KDM4A: variants seen among roughly 807,000 people sequenced by gnomAD.
KDM4A encodes lysine-specific demethylase 4A.
A neutral mutation model predicts 127.1 loss-of-function variants in KDM4A; 23 were observed. That is an observed-to-expected ratio of 0.18 (90% CI 0.13 to 0.26). KDM4A has a LOEUF of 0.26. Among genes scored for constraint, KDM4A ranks in the 10% least tolerant of loss-of-function variants. The pLI, the probability that KDM4A is intolerant of heterozygous loss-of-function variation, is 1.00. For missense variants in KDM4A, 890 were observed against 1,329.1 expected (o/e 0.67, Z 5.14); for synonymous variants, 443 against 466.5 (o/e 0.95, Z 0.65).
chr1:43,700,144 T>A (rs1234504315), intron 19 of KDM4A: 1 of 152,190 alleles, frequency 6.6e-6, no homozygotes, highest in Non-Finnish European at 1.5e-5. Context: ...TTTGTTTTTT[T>A]AAAATAGGGT....
intron 11 of KDM4A, among the ~76,000 whole-genome samples, chr1:43,673,814 C>G (rs1455239432): frequency 6.6e-6 from 1 of 152,266 alleles, no homozygotes; most frequent in Non-Finnish European, 1.5e-5. Context: ...ATCCATCCTA[C>G]TGTTGACTAC....
At chr1:43,687,613 A>AT (rs1007526218) in intron 12 of KDM4A, among the ~76,000 whole-genome samples, 4 of 152,158 alleles carry the variant, frequency 2.6e-5, no homozygotes, top group African/African-American at 9.7e-5. Context: ...CTGGAGAAAC[A>AT]TTTTGGACAT....
intron 15 of KDM4A, 74 bp from the exon 16 acceptor site, chr1:43,692,182 G>A (rs1183056001): frequency 1.5e-6 from 2 of 1,342,392 alleles, no homozygotes; most frequent in East Asian, 4.6e-5. Context: ...GCCCAAAGCA[G>A]GTCCAGGGGA....
chr1:43,678,033 A>C (rs1660779869), intron 11 of KDM4A, among the ~76,000 whole-genome samples: 1 of 152,092 alleles, frequency 6.6e-6, no homozygotes, highest in South Asian at 2.1e-4. Flanking sequence ...GATGGGGGTG[A>C]GTCAGAGGGT....
intron 18 of KDM4A, among the ~76,000 whole-genome samples, chr1:43,695,850 G>A (rs1364999258): frequency 3.9e-5 from 6 of 152,084 alleles, no homozygotes; most frequent in Non-Finnish European, 8.8e-5. Flanking sequence ...GGGGAGAGGA[G>A]GAGGAAAGGG....
At chr1:43,689,803 C>T (rs867435296) in intron 13 of KDM4A, among the ~76,000 whole-genome samples, 1 of 152,216 alleles carries the variant, frequency 6.6e-6, no homozygotes, top group Non-Finnish European at 1.5e-5. Flanking sequence ...GGCATGGCTG[C>T]CGCTGAGCCT....
At chr1:43,684,480 G>T (rs2154048124) in intron 12 of KDM4A, among the ~76,000 whole-genome samples, 1 of 152,278 alleles carries the variant, frequency 6.6e-6, no homozygotes, top group African/African-American at 2.4e-5. Context: ...TCCAGCCTGG[G>T]CGACAGAGCG....
intron 11 of KDM4A, among the ~76,000 whole-genome samples, chr1:43,679,458 T>TA (rs1415970258): frequency 2.0e-5 from 3 of 152,296 alleles, no homozygotes; most frequent in African/African-American, 7.2e-5. Flanking sequence ...GGAGAGGTCT[T>TA]ATAGCACTGG....
intron 4 of KDM4A, 136 bp downstream of exon 4, chr1:43,660,548 G>A (rs1660349314): frequency 7.7e-7 from 1 of 1,305,116 alleles, no homozygotes; most frequent in Non-Finnish European, 1.0e-6. Context: ...CCCAGCTGAT[G>A]TTGCTGTGCT....
intron 4 of KDM4A, among the ~76,000 whole-genome samples, chr1:43,662,687 G>C (rs1369489680): frequency 6.6e-6 from 1 of 152,190 alleles, no homozygotes; most frequent in Non-Finnish European, 1.5e-5. Context: ...AGTAATATTT[G>C]CCCTTTGAAG....
Position 43,666,481 on chromosome 1 carries a change from G to C in KDM4A, c.703G>C (p.Glu235Gln). ...TTTCCCAGGAAGTGCTCAAAGCTGT[G>C]AGGCATTTCTCCGCCACAAGATGAC... ...GFFPGSAQSC[E>Q]AFLRHKMTLI... The change falls in exon 7 of 22, where the codon GAG becomes CAG. Residue 235 changes from glutamate (E) to glutamine (Q), a missense_variant. Physicochemically the swap from Glu to Gln is conservative, Grantham distance 29. Coordinates refer to ENST00000372396, the MANE Select transcript of KDM4A (RefSeq NM_014663.3). The C allele has an allele frequency of 1.2e-6, 2 of 1,614,176 alleles. No homozygotes were observed. Among genetic ancestry groups the C allele is most frequent in the Non-Finnish European group, 1.7e-6 (2 of 1,180,026 alleles).
chr1:43,697,910 G>A lies in KDM4A; in HGVS notation c.2738G>A (p.Arg913His), dbSNP rs1661281755. 1.2e-6 allele frequency: 2 copies of A among 1,613,634 alleles called. No homozygotes were observed. The highest frequency in any genetic ancestry group is 2.7e-5 in the African/African-American group (2 of 74,742). ...QKVISKHKNGRFYQCEVVRLT... is the reference protein window; with the variant it reads ...QKVISKHKNGHFYQCEVVRLT... The stretch of plus-strand genomic sequence containing the variant: ...GTCATTAGCAAGCATAAGAACGGGC[G>A]CTTCTACCAGTGTGAAGTGGTCAGG... Residue 913 changes from arginine to histidine, a missense_variant, in exon 19 of 22, where the codon CGC becomes CAC. Coordinates refer to ENST00000372396, the MANE Select transcript of KDM4A (RefSeq NM_014663.3).
chr1:43,667,766 T>C lies in KDM4A; in HGVS notation c.916-6T>C, dbSNP rs775531500. On this transcript the variant is annotated splice_region_variant and splice_polypyrimidine_tract_variant and intron_variant, in intron 8 of 21. Coordinates refer to ENST00000372396, the MANE Select transcript of KDM4A (RefSeq NM_014663.3). ...CACCTGGTGCTCTTCTGGTTCCTGC[T>C]GACAGTGCTCCTGTAGAAAGGACAT... 9 of 1,614,064 alleles carry C rather than the reference T, an allele frequency of 5.6e-6. No individual in the cohort carries two copies. The South Asian group carries it at 8.8e-5, about 16-fold the overall frequency.
rs1661462307 is a variant in KDM4A, at chr1:43,703,517, C to G, written c.2842-100C>G. The G allele has an allele frequency of 2.8e-6, 4 of 1,443,612 alleles. No individual in the cohort carries two copies. In the African/African-American group the frequency reaches 5.7e-5, roughly 20 times the overall value. 89.4% of individuals were successfully genotyped at this position (1,443,612 alleles called of 1,614,324 possible). ...CAGAGAGCTGCCTTGCTCTCTAAAA[C>G]AGTTACTTTGTCCTGGTTCACTCTT... On this transcript the variant is annotated intron_variant, in intron 19 of 21. Coordinates refer to ENST00000372396, the MANE Select transcript of KDM4A (RefSeq NM_014663.3).
chr1:43,690,656 C>A, intron 13 of KDM4A, 189 bp from the exon 14 acceptor site: 1 of 643,116 alleles, frequency 1.6e-6, no homozygotes, highest in Non-Finnish European at 2.8e-6. Context: ...TATGATGCTG[C>A]TGTGAGAAAC....
chr1:43,687,341 C>G (rs1373495790), intron 12 of KDM4A, among the ~76,000 whole-genome samples: 1 of 152,166 alleles, frequency 6.6e-6, no homozygotes, highest in African/African-American at 2.4e-5. Context: ...AAGTACAGAC[C>G]AGAGCTTTCC....
chr1:43,701,097 A>T (rs2154049395), intron 19 of KDM4A, among the ~76,000 whole-genome samples: 1 of 151,762 alleles, frequency 6.6e-6, no homozygotes, highest in East Asian at 2.0e-4. Flanking sequence ...TAATTTTTGT[A>T]TTTTTAGTAG....
At chr1:43,682,344 G>A (rs1660877431) in intron 11 of KDM4A, among the ~76,000 whole-genome samples, 1 of 152,200 alleles carries the variant, frequency 6.6e-6, no homozygotes, top group Non-Finnish European at 1.5e-5. Flanking sequence ...TTTGTTCACT[G>A]TAATGGAGGC....
chr1:43,678,496 T>A (rs1298078011), intron 11 of KDM4A, among the ~76,000 whole-genome samples: 1 of 150,038 alleles, frequency 6.7e-6, no homozygotes, highest in Non-Finnish European at 1.5e-5. Context: ...TCCTGCCAAG[T>A]GGGGGAAGTT....
Sources: gnomAD v4.1 joint callset for allele counts (sites outside exome capture counted in the v4.1 genomes callset) on GRCh38, gnomAD v4.1.1 for gene constraint, MANE v1.5 for transcripts, NCBI Gene and HGNC (gene_info 2026-07-23, HGNC 2026-07-21) for gene names.